NCKAP5: variants seen among roughly 807,000 people sequenced by gnomAD.
NCKAP5 encodes nck-associated protein 5.
In NCKAP5, 92 loss-of-function variants were observed where a neutral mutation model predicts 167.0. That is an observed-to-expected ratio of 0.55 (90% CI 0.47 to 0.66). NCKAP5 has a LOEUF of 0.66. Ranked by LOEUF, NCKAP5 falls within the 30% of genes least tolerant of loss-of-function variation. The pLI is 0.00. For missense variants in NCKAP5, 2,378 were observed against 2,315.0 expected, an observed-to-expected ratio of 1.03 and a Z score of -0.56; for synonymous variants, 891 against 877.4, an observed-to-expected ratio of 1.02 and a Z score of -0.27.
chr2:133,191,165 T>C (rs550659523), intron 5 of NCKAP5, among the ~76,000 whole-genome samples: 159 of 152,064 alleles, frequency 1.0e-3, no homozygotes, highest in Admixed American at 2.1e-3. Context: ...AACAGACACA[T>C]GAAAAAATGC....
At chr2:133,115,775 GTATATA>G (rs10683280) in intron 6 of NCKAP5, among the ~76,000 whole-genome samples, 3,215 of 94,236 alleles carry the variant, frequency 0.034, 76 homozygotes, top group African/African-American at 0.038. Flanking sequence ...ATGTGTGTGT[GTATATA>G]TATATATATA....
intron 5 of NCKAP5, among the ~76,000 whole-genome samples, chr2:133,197,804 G>T (rs776231589): frequency 2.0e-5 from 3 of 152,030 alleles, no homozygotes; most frequent in Non-Finnish European, 4.4e-5. Context: ...CAAACAATTA[G>T]CCATGTTTTG....
intron 3 of NCKAP5, among the ~76,000 whole-genome samples, chr2:133,432,214 T>A (rs949480345): frequency 2.0e-5 from 3 of 152,196 alleles, no homozygotes; most frequent in African/African-American, 4.8e-5. Flanking sequence ...ATCTGTATCA[T>A]GCAACCAACT....
At chr2:133,333,614 G>A (rs1683017155) in intron 3 of NCKAP5, among the ~76,000 whole-genome samples, 1 of 152,122 alleles carries the variant, frequency 6.6e-6, no homozygotes, top group African/African-American at 2.4e-5. Flanking sequence ...AATTGAGAGT[G>A]GTGACAATCT....
chr2:132,780,340 C>T lies in NCKAP5; in HGVS notation c.5049+712G>A, dbSNP rs568883967. On this transcript the variant is annotated intron_variant, in intron 15 of 19. Coordinates refer to ENST00000409261, the MANE Select transcript of NCKAP5 (RefSeq NM_207363.3). ...CTAATTTTTTGTATTTTAATAGAGA[C>T]GGGGTTTCACCGTGTTAGCCAGGAT... Among the ~76,000 whole-genome samples, 52 of 152,154 alleles carry T rather than the reference C, an allele frequency of 3.4e-4. 1 individual carries two copies. Among genetic ancestry groups the T allele is most frequent in the East Asian group, 1.9e-4 (1 of 5,156 alleles).
intron 8 of NCKAP5, among the ~76,000 whole-genome samples, chr2:132,938,363 T>C (rs1283805546): frequency 6.6e-6 from 1 of 152,190 alleles, no homozygotes; most frequent in Admixed American, 6.5e-5. Flanking sequence ...ACCATGTGTA[T>C]ACACATGAGT....
chr2:132,700,992 C>T (rs912231473), intron 19 of NCKAP5, among the ~76,000 whole-genome samples: 19 of 151,226 alleles, frequency 1.3e-4, no homozygotes, highest in Admixed American at 1.1e-3. Flanking sequence ...CTGATTTAAT[C>T]GGTCTAGAAT....
chr2:132,731,529 C>T (rs1217353727), intron 17 of NCKAP5, among the ~76,000 whole-genome samples: 1 of 151,998 alleles, frequency 6.6e-6, no homozygotes, highest in Admixed American at 6.6e-5. Flanking sequence ...TGTCTGTTTC[C>T]TTATATGTGT....
At chr2:133,246,207 A>G (rs1275361794) in intron 4 of NCKAP5, among the ~76,000 whole-genome samples, 2 of 152,070 alleles carry the variant, frequency 1.3e-5, no homozygotes, top group East Asian at 1.9e-4. Context: ...GAGGTAGGTA[A>G]AGGGGAGTCA....
At chr2:133,524,126 G>C (rs906674330) in intron 2 of NCKAP5, among the ~76,000 whole-genome samples, 3 of 152,108 alleles carry the variant, frequency 2.0e-5, no homozygotes, top group Non-Finnish European at 4.4e-5. Context: ...CTGGGGGTGG[G>C]AACCAAACAT....
At chr2:133,592,237 T>C in the NCKAP5 span, among the ~76,000 whole-genome samples, 4 of 152,204 alleles carry the variant, frequency 2.6e-5, no homozygotes, top group African/African-American at 9.6e-5. Context: ...AGTCTCTTGA[T>C]TGTGCAAACC....
chr2:133,252,847 C>T (rs533820699), intron 4 of NCKAP5, among the ~76,000 whole-genome samples: 4 of 152,196 alleles, frequency 2.6e-5, no homozygotes, highest in African/African-American at 4.8e-5. Flanking sequence ...TGGCAGAATT[C>T]GTTCCAATGT....
chr2:133,187,262 A>C (rs1298742008), intron 5 of NCKAP5, among the ~76,000 whole-genome samples: 1 of 152,016 alleles, frequency 6.6e-6, no homozygotes, highest in African/African-American at 2.4e-5. Context: ...TATAGTTTTG[A>C]GAGATCTTCT....
chr2:133,098,132 T>A (rs921277308), intron 6 of NCKAP5, among the ~76,000 whole-genome samples: 1 of 152,222 alleles, frequency 6.6e-6, no homozygotes, highest in African/African-American at 2.4e-5. Flanking sequence ...ATTCCAAAGA[T>A]GAAACCGAAA....
intron 6 of NCKAP5, among the ~76,000 whole-genome samples, chr2:133,009,444 G>A (rs1002942752): frequency 6.6e-6 from 1 of 151,878 alleles, no homozygotes; most frequent in Admixed American, 6.6e-5. Flanking sequence ...TACCTCATTT[G>A]AGGCGTATTA....
rs1167363803 is a variant in NCKAP5 at position 132,775,446 on chromosome 2, G to A, written c.5050-1552C>T. Among the ~76,000 whole-genome samples, 9 of 152,344 alleles carry A rather than the reference G, an allele frequency of 5.9e-5. No homozygotes were observed. The East Asian group carries it at 1.7e-3, about 29-fold the overall frequency. ...GCAAGGACAGATCGTTAAGCGTTCA[G>A]TATCAAGAGGCCATGCTTCATCACT... On this transcript the variant is annotated intron_variant, in intron 15 of 19. Transcript: ENST00000409261.
chr2:132,902,142 T>C (rs1339632159), intron 8 of NCKAP5, among the ~76,000 whole-genome samples: 1 of 152,266 alleles, frequency 6.6e-6, no homozygotes, highest in East Asian at 1.9e-4. Flanking sequence ...AAGAGAAATC[T>C]GTATTTAATC....
chr2:133,572,489 T>G (rs1003578388), upstream of NCKAP5, among the ~76,000 whole-genome samples: 1 of 152,222 alleles, frequency 6.6e-6, no homozygotes, highest in Non-Finnish European at 1.5e-5. Flanking sequence ...TACTGTGCAG[T>G]AAATTCTCCA....
At chr2:133,651,981 C>T in the NCKAP5 span, among the ~76,000 whole-genome samples, 1 of 152,166 alleles carries the variant, frequency 6.6e-6, no homozygotes, top group Non-Finnish European at 1.5e-5. Flanking sequence ...GGAGCAACTA[C>T]TGGAGACATT....
Sources: gnomAD v4.1 joint callset for allele counts (sites outside exome capture counted in the v4.1 genomes callset) on GRCh38, gnomAD v4.1.1 for gene constraint, MANE v1.5 for transcripts, NCBI Gene and HGNC (gene_info 2026-07-23, HGNC 2026-07-21) for gene names.